LRFN5: variants seen among roughly 807,000 people sequenced by gnomAD.
LRFN5 encodes the protein leucine rich repeat and fibronectin type III domain containing 5.
A neutral mutation model predicts 45.6 loss-of-function variants in LRFN5; 24 were observed. The ratio of observed to expected loss-of-function variants is 0.53; its 90% CI spans 0.38 to 0.74. The LOEUF is 0.74. Ranked by LOEUF, LRFN5 falls within the 30% of genes least tolerant of loss-of-function variation. The pLI is 0.00. For synonymous variants in LRFN5, 340 were observed against 313.8 expected (o/e 1.08, Z -0.88); for missense variants, 776 against 861.5 (o/e 0.90, Z 1.24).
chr14:41,776,374 G>T (rs534743322), intron 2 of LRFN5, among the ~76,000 whole-genome samples: 2 of 152,052 alleles, frequency 1.3e-5, no homozygotes, highest in African/African-American at 4.8e-5. Flanking sequence ...GAGTATCCCC[G>T]TTTTGGTGTC....
chr14:41,882,498 T>C (rs1319040515), intron 2 of LRFN5, among the ~76,000 whole-genome samples: 1 of 152,206 alleles, frequency 6.6e-6, no homozygotes, highest in African/African-American at 2.4e-5. Context: ...CAAGGTTGCC[T>C]GAAGTATTTC....
chr14:41,675,915 C>A (rs190688074), intron 1 of LRFN5, among the ~76,000 whole-genome samples: 3 of 152,260 alleles, frequency 2.0e-5, no homozygotes, highest in African/African-American at 7.2e-5. Flanking sequence ...TTGAGAAAAT[C>A]TACAATAACT....
At chr14:41,816,716 T>A (rs1409363774) in intron 2 of LRFN5, among the ~76,000 whole-genome samples, 2 of 152,112 alleles carry the variant, frequency 1.3e-5, no homozygotes, top group Non-Finnish European at 2.9e-5. Context: ...GTCTCTTTAT[T>A]CTGTAGCTTG....
At chr14:41,739,665 AAAAC>A (rs1367869936) in intron 1 of LRFN5, among the ~76,000 whole-genome samples, 2 of 152,024 alleles carry the variant, frequency 1.3e-5, no homozygotes, top group Non-Finnish European at 2.9e-5. Flanking sequence ...TAGAAAAAAA[AAAAC>A]AAACTAAGCA....
intron 2 of LRFN5, among the ~76,000 whole-genome samples, chr14:41,820,435 C>T (rs1241779): frequency 0.76 from 115,746 of 151,920 alleles, 44,944 homozygotes; most frequent in African/African-American, 0.92. Flanking sequence ...ATATTGGCTT[C>T]ATTTCTGAGT....
At chr14:41,686,439 C>G (rs1313105896) in intron 1 of LRFN5, among the ~76,000 whole-genome samples, 1 of 151,804 alleles carries the variant, frequency 6.6e-6, no homozygotes, top group Non-Finnish European at 1.5e-5. Context: ...TCCTCTATTC[C>G]TATTTGAATA....
At chr14:41,759,480 CACACACACACACACACACAG>C (rs1198436451) in intron 1 of LRFN5, among the ~76,000 whole-genome samples, 1,559 of 75,478 alleles carry the variant, frequency 0.021, 20 homozygotes, top group East Asian at 0.14. Context: ...CACACACACA[CACACACACACACACACACAG>C]AGAGAGCACC....
chr14:41,729,266 G>A (rs1006333934), intron 1 of LRFN5, among the ~76,000 whole-genome samples: 3 of 152,080 alleles, frequency 2.0e-5, no homozygotes, highest in African/African-American at 7.2e-5. Flanking sequence ...TCACACAAAA[G>A]TTGGTTATTT....
At chr14:41,798,987 T>A (rs1209318382) in intron 2 of LRFN5, among the ~76,000 whole-genome samples, 1 of 152,100 alleles carries the variant, frequency 6.6e-6, no homozygotes, top group Non-Finnish European at 1.5e-5. Flanking sequence ...GCTCTTTTTA[T>A]CATTTTACCT....
rs996415354 is a variant in LRFN5 at position 41,899,409 on chromosome 14, T to C, written c.2142+449T>C. ...GATGAACAGAAGTGTTTCACTGTTATCTAAAATGAATGAAGCCTCTTTAAA... is the reference window on the plus strand; with the variant it reads ...GATGAACAGAAGTGTTTCACTGTTACCTAAAATGAATGAAGCCTCTTTAAA... On this transcript the variant is annotated intron_variant, in intron 5 of 5. Coordinates refer to ENST00000298119, the MANE Select transcript of LRFN5 (RefSeq NM_152447.5). Among the ~76,000 whole-genome samples the C allele has an allele frequency of 2.6e-5, 4 of 152,166 alleles. No individual in the cohort carries two copies. In the East Asian group the frequency reaches 5.8e-4, roughly 22 times the overall value.
In LRFN5 at chr14:41,886,755, T is replaced by C; in HGVS notation, c.130T>C (p.Phe44Leu). Residue 44 changes from phenylalanine (F) to leucine (L), a missense_variant, in exon 3 of 6, where the codon TTT becomes CTT. Phe to Leu is a conservative substitution (Grantham distance 22). Transcript: ENST00000298119. ...ATLCAKKGLL[F>L]VPPNIDRRTV... ...CCTTTGTGCCAAGAAAGGGCTTTTA[T>C]TTGTTCCACCAAACATTGACAGAAG... 8 of 1,614,196 alleles carry C rather than the reference T, an allele frequency of 5.0e-6. No homozygotes were observed. The highest frequency in any genetic ancestry group is 6.8e-6 in the Non-Finnish European group (8 of 1,180,020).
intron 1 of LRFN5, among the ~76,000 whole-genome samples, chr14:41,758,841 C>T (rs879825911): frequency 2.0e-5 from 3 of 152,106 alleles, no homozygotes; most frequent in Non-Finnish European, 4.4e-5. Flanking sequence ...ATTTAATTTT[C>T]CTTTTTAAAA....
At chr14:41,713,851 T>C (rs1268745732) in intron 1 of LRFN5, among the ~76,000 whole-genome samples, 1 of 152,130 alleles carries the variant, frequency 6.6e-6, no homozygotes, top group Non-Finnish European at 1.5e-5. Context: ...TATAACTTCA[T>C]ATATTCAGTT....
At chr14:41,789,477 A>G in intron 2 of LRFN5, among the ~76,000 whole-genome samples, 1 of 151,962 alleles carries the variant, frequency 6.6e-6, no homozygotes, top group Non-Finnish European at 1.5e-5. Context: ...ACAGACCTAA[A>G]TGTCAGTCAT....
intron 1 of LRFN5, among the ~76,000 whole-genome samples, chr14:41,619,951 A>G (rs1056690703): frequency 2.0e-5 from 3 of 152,126 alleles, no homozygotes; most frequent in Non-Finnish European, 1.5e-5. Context: ...AATTATTATT[A>G]TTATATATTG....
At chr14:41,721,368 C>T (rs1883705997) in intron 1 of LRFN5, among the ~76,000 whole-genome samples, 1 of 152,138 alleles carries the variant, frequency 6.6e-6, no homozygotes, top group African/African-American at 2.4e-5. Context: ...AGATCATTCA[C>T]ATTCAAGGTT....
intron 5 of LRFN5, among the ~76,000 whole-genome samples, chr14:41,903,488 T>C (rs922604758): frequency 2.0e-5 from 3 of 151,348 alleles, no homozygotes; most frequent in African/African-American, 7.2e-5. Flanking sequence ...ATTAGACATA[T>C]CTTAAATCCA....
intron 2 of LRFN5, among the ~76,000 whole-genome samples, chr14:41,835,403 T>C (rs1031263901): frequency 1.3e-5 from 2 of 152,232 alleles, no homozygotes; most frequent in Non-Finnish European, 1.5e-5. Context: ...ACCTTTGGTC[T>C]GAACAATTTG....
chr14:41,841,788 G>T (rs997915714), intron 2 of LRFN5, among the ~76,000 whole-genome samples: 2 of 151,808 alleles, frequency 1.3e-5, no homozygotes, highest in African/African-American at 4.8e-5. Context: ...CAGCCCATCA[G>T]ATCTTATTAA....
Sources: allele counts gnomAD v4.1 joint callset (sites outside exome capture counted in the v4.1 genomes callset), GRCh38; gene constraint gnomAD v4.1.1; transcripts MANE v1.5; gene names NCBI Gene and HGNC (gene_info 2026-07-23, HGNC 2026-07-21).